Variants in ZNF273 observed in about 807,000 individuals in gnomAD.
ZNF273 encodes zinc finger protein 9.
ZNF273 carries 11 observed loss-of-function variants against 14.9 expected under a neutral mutation model. The ratio of observed to expected loss-of-function variants is 0.74; its 90% confidence interval spans 0.46 to 1.22. The LOEUF is 1.22. Ranked by LOEUF, ZNF273 falls within the 50% of genes most tolerant of loss-of-function variation. The pLI is 0.00. For synonymous variants in ZNF273, 199 were observed against 223.9 expected, an observed-to-expected ratio of 0.89 and a Z score of 0.99; for missense variants, 577 against 660.6, an observed-to-expected ratio of 0.87 and a Z score of 1.39.
At chr7:64,901,444 G>A (rs1792706729), upstream of ZNF273, among the ~76,000 whole-genome samples, 1 of 152,186 alleles carries the variant, frequency 6.6e-6, no homozygotes, top group African/African-American at 2.4e-5. Context: ...CAGCCTTCTT[G>A]GTAGACTATT....
chr7:64,916,308 G>A (rs1485366798), intron 1 of ZNF273, among the ~76,000 whole-genome samples: 1 of 150,894 alleles, frequency 6.6e-6, no homozygotes, highest in Non-Finnish European at 1.5e-5. Context: ...TGGAGGTTGA[G>A]GCGGACAGGA....
upstream of ZNF273, among the ~76,000 whole-genome samples, chr7:64,901,536 T>C (rs1792712806): frequency 6.6e-6 from 1 of 152,236 alleles, no homozygotes; most frequent in Non-Finnish European, 1.5e-5. Context: ...CCAGGTTGCC[T>C]TTTTCTTCTC....
intron 3 of ZNF273, among the ~76,000 whole-genome samples, chr7:64,926,555 A>T (rs920887143): frequency 6.6e-6 from 1 of 152,062 alleles, no homozygotes; most frequent in Non-Finnish European, 1.5e-5. Context: ...TTAAATTTTT[A>T]AAATTAATTT....
intron 3 of ZNF273, chr7:64,924,106 A>G (rs1794656937): frequency 6.6e-6 from 1 of 151,150 alleles, no homozygotes; most frequent in South Asian, 2.1e-4. Flanking sequence ...CATGCTAAAG[A>G]ATGTGGTTTA....
At chr7:64,896,433 A>T (rs1251326949) in intron 3 of ZNF273, among the ~76,000 whole-genome samples, 2 of 152,206 alleles carry the variant, frequency 1.3e-5, no homozygotes, top group African/African-American at 4.8e-5. Context: ...AAAAATTAGC[A>T]AAGACACAAT....
chr7:64,901,388 A>G (rs1445617136), upstream of ZNF273, among the ~76,000 whole-genome samples: 1 of 152,328 alleles, frequency 6.6e-6, no homozygotes, highest in East Asian at 1.9e-4. Flanking sequence ...CTGTAACCCT[A>G]TGCCACCGGA....
At chr7:64,925,209 A>G (rs1036283623) in intron 3 of ZNF273, among the ~76,000 whole-genome samples, 17 of 101,934 alleles carry the variant, frequency 1.7e-4, no homozygotes, top group African/African-American at 4.9e-4. Context: ...TCTTACTAAT[A>G]TCATTTTATT....
rs1794835921 is a variant in ZNF273 at position 64,927,814 on chromosome 7, T to C, written c.486T>C (p.Gly162=). 2 of 1,613,676 alleles carry C rather than the reference T, an allele frequency of 1.2e-6. No homozygotes were observed. The highest frequency in any genetic ancestry group is 1.7e-6 in the Non-Finnish European group (2 of 1,179,856). ...SADEHKVHKR[G]YNGLNQCLTT... ...ATGAGCATAAGGTGCACAAAAGAGGTTATAATGGACTTAACCAATGTTTGA... is the reference window on the plus strand; with the variant it reads ...ATGAGCATAAGGTGCACAAAAGAGGCTATAATGGACTTAACCAATGTTTGA... Residue 162 remains glycine (G), a synonymous_variant, in exon 4 of 4, where the codon GGT becomes GGC. Coordinates refer to ENST00000476120, the MANE Select transcript of ZNF273 (RefSeq NM_021148.3).
Position 64,903,290 on chromosome 7 carries a change from C to T in ZNF273, c.-28C>T, listed in dbSNP as rs549269235. The T allele has an allele frequency of 7.6e-6, 12 of 1,572,398 alleles. No individual in the cohort carries two copies. In the East Asian group the frequency reaches 2.0e-4, roughly 27 times the overall value. Reference sequence around the variant, plus strand: ...GGGCCTTTGTCTCTCGCTGCAGTCGCAGCTCCAGGTCTCGTCTTCACTGCT... The same window carrying T: ...GGGCCTTTGTCTCTCGCTGCAGTCGTAGCTCCAGGTCTCGTCTTCACTGCT... On this transcript the variant is annotated 5_prime_UTR_variant, in exon 1 of 4. Transcript: ENST00000476120.
At position 64,928,109 on chromosome 7, in the gene ZNF273, C is replaced by A. The variant is rs1794852061; in HGVS notation, c.781C>A (p.Pro261Thr). ...KHKIIHPEVNPYKCEECGKAF... is the reference protein window; with the variant it reads ...KHKIIHPEVNTYKCEECGKAF... The stretch of plus-strand genomic sequence containing the variant: ...TAAGATAATTCATCCTGAAGTGAAT[C>A]CCTACAAATGTGAAGAATGTGGCAA... Residue 261 changes from proline to threonine, a missense_variant, in exon 4 of 4, where the codon CCC becomes ACC. By Grantham distance (38) the Pro-to-Thr change is conservative. Coordinates refer to ENST00000476120, the MANE Select transcript of ZNF273 (RefSeq NM_021148.3). 3 of 1,613,408 alleles carry A rather than the reference C, an allele frequency of 1.9e-6. No individual in the cohort carries two copies. The highest frequency in any genetic ancestry group is 1.7e-6 in the Non-Finnish European group (2 of 1,179,624).
intron 3 of ZNF273, among the ~76,000 whole-genome samples, chr7:64,920,091 A>G (rs1455321008): frequency 1.3e-5 from 2 of 152,022 alleles, no homozygotes; most frequent in African/African-American, 4.8e-5. Flanking sequence ...GGGCCCCCAG[A>G]GTGATGGTTT....
At chr7:64,885,114 G>A (rs75913668) in intron 1 of ZNF273, among the ~76,000 whole-genome samples, 125 of 152,352 alleles carry the variant, frequency 8.2e-4, no homozygotes, top group African/African-American at 1.6e-3. Context: ...GTGGACCAGG[G>A]GACCTTTGTG....
chr7:64,895,466 G>A (rs6951350), intron 3 of ZNF273, among the ~76,000 whole-genome samples: 139,042 of 152,134 alleles, frequency 0.91, 63,814 homozygotes, highest in South Asian at 0.97. Flanking sequence ...GCCAGATTCC[G>A]ATTCACTAAC....
downstream of ZNF273, among the ~76,000 whole-genome samples, chr7:64,934,094 C>T (rs771832137): frequency 6.6e-6 from 1 of 152,102 alleles, no homozygotes; most frequent in Non-Finnish European, 1.5e-5. Context: ...GGGGTTTCAC[C>T]ATGTTGGCCA....
downstream of ZNF273, among the ~76,000 whole-genome samples, chr7:64,891,258 G>T (rs1311304992): frequency 6.6e-6 from 1 of 152,206 alleles, no homozygotes; most frequent in Non-Finnish European, 1.5e-5. Context: ...CTTTAAAATG[G>T]AGACAATGGC....
intron 1 of ZNF273, among the ~76,000 whole-genome samples, chr7:64,905,726 A>C (rs1303527724): frequency 2.0e-5 from 3 of 152,196 alleles, no homozygotes; most frequent in African/African-American, 7.2e-5. Context: ...TGAGCACTTA[A>C]GTGAGCAGGA....
At chr7:64,915,595 C>A (rs945785411) in intron 1 of ZNF273, among the ~76,000 whole-genome samples, 1 of 152,212 alleles carries the variant, frequency 6.6e-6, no homozygotes, top group African/African-American at 2.4e-5. Context: ...AGCCTTTAAG[C>A]GGTTTTCCGC....
chr7:64,888,757 G>T (rs1411757183), exon 2 of ZNF273: 2 of 985,702 alleles, frequency 2.0e-6, no homozygotes, highest in Non-Finnish European at 2.4e-6. Context: ...CGCAGAGCCG[G>T]ATAGAAACGC....
At chr7:64,888,572 G>A in intron 1 of ZNF273, 1 of 985,872 alleles carries the variant, frequency 1.0e-6, no homozygotes, top group Non-Finnish European at 1.2e-6. Context: ...TATTTTCACA[G>A]TAGCACTTAG....
Sources: gnomAD v4.1 joint callset for allele counts (sites outside exome capture counted in the v4.1 genomes callset) on GRCh38, gnomAD v4.1.1 for gene constraint, MANE v1.5 for transcripts, NCBI Gene and HGNC (gene_info 2026-07-23, HGNC 2026-07-21) for gene names.